The following SMIM36 variants were observed in gnomAD, a reference collection of about 807,000 sequenced individuals.
SMIM36 encodes the protein small integral membrane protein 36.
chr17:55,507,970 A>G (rs1016435674), intron 1 of SMIM36, among the ~76,000 whole-genome samples: 3 of 152,174 alleles, frequency 2.0e-5, no homozygotes, highest in Non-Finnish European at 2.9e-5. Flanking sequence ...AAGGCACTGG[A>G]GAAACCCTGG....
rs550527234 is a variant in SMIM36 at position 55,486,058 on chromosome 17, C to T, written c.*175-6478G>A. Among the ~76,000 whole-genome samples the T allele has an allele frequency of 1.7e-3, 223 of 132,644 alleles. 2 individuals carry two copies. The highest frequency in any genetic ancestry group is 4.3e-3 in the African/African-American group (142 of 33,048). 87.0% of individuals were successfully genotyped at this position (132,644 alleles called of 152,430 possible). Reference sequence around the variant, plus strand: ...CTTTATTCTTTTTTTTTTTTTGAGACGGAGTCTTGCTCTGTTGCGCAGGCT... The same window carrying T: ...CTTTATTCTTTTTTTTTTTTTGAGATGGAGTCTTGCTCTGTTGCGCAGGCT... On this transcript the variant is annotated intron_variant, in intron 1 of 4. Coordinates refer to ENST00000636752, the Ensembl canonical transcript of SMIM36.
chr17:55,480,276 C>A (rs963725698), intron 1 of SMIM36, among the ~76,000 whole-genome samples: 1 of 150,244 alleles, frequency 6.7e-6, no homozygotes, highest in Non-Finnish European at 1.5e-5. Flanking sequence ...CTCTTGATTA[C>A]CTAAAGCCCC....
intron 1 of SMIM36, among the ~76,000 whole-genome samples, chr17:55,503,475 A>G (rs911788006): frequency 1.3e-5 from 2 of 148,840 alleles, no homozygotes; most frequent in African/African-American, 5.0e-5. Context: ...AGCCAAGCTA[A>G]GCTTCATAAG....
intron 1 of SMIM36, among the ~76,000 whole-genome samples, chr17:55,486,609 G>A (rs1909612026): frequency 6.6e-6 from 1 of 152,164 alleles, no homozygotes; most frequent in Admixed American, 6.5e-5. Context: ...TAAGCACTCA[G>A]GTGATTTTGA....
At chr17:55,508,394 G>A (rs6504967) in intron 1 of SMIM36, among the ~76,000 whole-genome samples, 78,245 of 138,158 alleles carry the variant, frequency 0.57, 22,912 homozygotes, top group African/African-American at 0.75. Context: ...ATATATTCCC[G>A]TAAAATATAT....
the SMIM36 span, among the ~76,000 whole-genome samples, chr17:55,516,605 C>A: frequency 7.4e-6 from 1 of 135,638 alleles, no homozygotes; most frequent in Admixed American, 8.3e-5. Flanking sequence ...GTCACCCAGG[C>A]TGGAGTGCAA....
chr17:55,455,348 C>A (rs1322049593), intron 4 of SMIM36, among the ~76,000 whole-genome samples: 1 of 151,954 alleles, frequency 6.6e-6, no homozygotes, highest in Admixed American at 6.6e-5. Context: ...CCTTCTATTC[C>A]TCTCCCACCA....
At chr17:55,515,821 T>C (rs55674584), upstream of SMIM36, among the ~76,000 whole-genome samples, 53,282 of 152,160 alleles carry the variant, frequency 0.35, 11,075 homozygotes, top group Non-Finnish European at 0.46. Flanking sequence ...GTCATTCATT[T>C]TGTGGCATTT....
intron 4 of SMIM36, among the ~76,000 whole-genome samples, chr17:55,451,955 A>C (rs562616524): frequency 5.3e-5 from 8 of 151,956 alleles, no homozygotes; most frequent in African/African-American, 1.4e-4. Flanking sequence ...AGATTTTAAA[A>C]ATTAGACAGG....
At chr17:55,496,177 C>A (rs906928809) in intron 1 of SMIM36, among the ~76,000 whole-genome samples, 1 of 152,182 alleles carries the variant, frequency 6.6e-6, no homozygotes, top group Non-Finnish European at 1.5e-5. Context: ...CTTGGGCAAA[C>A]CCTCCCTTGG....
At chr17:55,531,599 A>G in the SMIM36 span, among the ~76,000 whole-genome samples, 5 of 152,208 alleles carry the variant, frequency 3.3e-5, no homozygotes, top group African/African-American at 1.2e-4. Flanking sequence ...ACATGTTTTT[A>G]TGTATTGGCT....
intron 4 of SMIM36, among the ~76,000 whole-genome samples, chr17:55,451,949 T>C (rs1908926167): frequency 6.6e-6 from 1 of 151,448 alleles, no homozygotes; most frequent in Middle Eastern, 3.4e-3. Flanking sequence ...ATAAAAAGAT[T>C]TTAAAAATTA....
At chr17:55,455,730 C>T (rs186414490) in intron 4 of SMIM36, among the ~76,000 whole-genome samples, 3 of 152,170 alleles carry the variant, frequency 2.0e-5, no homozygotes, top group Non-Finnish European at 4.4e-5. Context: ...GAGGTTCGGG[C>T]TGCAGTGAGC....
intron 1 of SMIM36, among the ~76,000 whole-genome samples, chr17:55,496,453 G>C (rs924622389): frequency 2.6e-5 from 4 of 152,248 alleles, no homozygotes; most frequent in Admixed American, 2.6e-4. Flanking sequence ...ATGTGAAATA[G>C]CTAAAATCTT....
intron 1 of SMIM36, among the ~76,000 whole-genome samples, chr17:55,487,547 G>A (rs1244179814): frequency 6.6e-6 from 1 of 152,146 alleles, no homozygotes; most frequent in Non-Finnish European, 1.5e-5. Flanking sequence ...GAGGGTTTAT[G>A]TAAGAAACAG....
the SMIM36 span, among the ~76,000 whole-genome samples, chr17:55,522,807 G>C: frequency 6.6e-6 from 1 of 152,118 alleles, no homozygotes; most frequent in Non-Finnish European, 1.5e-5. Context: ...CATTTTGTTT[G>C]TGATATGACT....
At chr17:55,494,446 A>T (rs1180670524) in intron 1 of SMIM36, among the ~76,000 whole-genome samples, 2 of 152,206 alleles carry the variant, frequency 1.3e-5, no homozygotes, top group Non-Finnish European at 2.9e-5. Flanking sequence ...CAAAGTTCCC[A>T]TCCCTACCAA....
At chr17:55,508,431 AATATATATATATATATATATATATAT>A (rs55879501) in intron 1 of SMIM36, among the ~76,000 whole-genome samples, 1 of 114,338 alleles carries the variant, frequency 8.7e-6, no homozygotes, top group Admixed American at 9.3e-5. Context: ...TATTCCTAGG[AATATATATATATATATATATATATAT>A]ATATATATAT....
chr17:55,461,952 C>A (rs143228612), intron 4 of SMIM36, among the ~76,000 whole-genome samples: 1 of 152,138 alleles, frequency 6.6e-6, no homozygotes, highest in Non-Finnish European at 1.5e-5. Context: ...ATCCACTGAG[C>A]CACTGATCTG....
Sources: allele counts gnomAD v4.1 joint callset (sites outside exome capture counted in the v4.1 genomes callset), GRCh38; gene constraint gnomAD v4.1.1; transcripts MANE v1.5; gene names NCBI Gene and HGNC (gene_info 2026-07-23, HGNC 2026-07-21).